The following SYNPO variants were observed in gnomAD, a reference collection of about 807,000 sequenced individuals.
SYNPO encodes the protein synaptopodin.
SYNPO carries 19 observed loss-of-function variants against 49.5 expected under a neutral mutation model. The observed-to-expected ratio is 0.38, with a 90% CI of 0.27 to 0.56. The LOEUF is 0.56. SYNPO is among the 20% of genes least tolerant of loss of function. The pLI is 0.68. For missense variants in SYNPO, 1,131 were observed against 1,248.3 expected, an observed-to-expected ratio of 0.91 and a Z score of 1.42; for synonymous variants, 536 against 548.0, an observed-to-expected ratio of 0.98 and a Z score of 0.31.
intron 2 of SYNPO, among the ~76,000 whole-genome samples, chr5:150,621,045 C>T (rs1180352160): frequency 4.6e-5 from 7 of 151,036 alleles, no homozygotes; most frequent in African/African-American, 1.5e-4. Context: ...CTCCGCCTAC[C>T]GGGTTCAAGC....
upstream of SYNPO, among the ~76,000 whole-genome samples, chr5:150,598,020 A>G (rs375699656): frequency 6.6e-6 from 1 of 152,190 alleles, no homozygotes; most frequent in African/African-American, 2.4e-5. Context: ...ACTTCCCTGT[A>G]TCAGAAACAG....
rs1316914247 is a variant in SYNPO, at chr5:150,649,645, A to C, written c.1370A>C (p.Lys457Thr). ...GTACCAGAGTGGGCCTCCTGCCTCA[A>C]GTCACCCCGCATCCAGGCCAAGCCG... ...EVVPEWASCL[K>T]SPRIQAKPKP... The change falls in exon 2 of 3, where the codon AAG becomes ACG. Residue 457 changes from lysine (K) to threonine (T), a missense_variant. Physicochemically the swap from Lys to Thr is moderately conservative, Grantham distance 78. Around this residue, in one of 4 missense-constraint regions of SYNPO, gnomAD observed 602 missense variants for 720.7 expected, o/e 0.84. Coordinates refer to ENST00000307662, the MANE Select transcript of SYNPO (RefSeq NM_007286.6). The C allele has an allele frequency of 6.2e-7, 1 of 1,609,154 alleles. No homozygotes were observed. The highest frequency in any genetic ancestry group is 1.3e-5 in the African/African-American group (1 of 75,026).
chr5:150,602,649 C>T (rs1422866752), intron 1 of SYNPO, among the ~76,000 whole-genome samples: 1 of 152,070 alleles, frequency 6.6e-6, no homozygotes, highest in African/African-American at 2.4e-5. Context: ...GAGACAGAGT[C>T]TCGCTCTGTC....
intron 1 of SYNPO, chr5:150,601,232 G>C (rs1756531054): frequency 6.6e-6 from 1 of 152,546 alleles, no homozygotes; most frequent in Non-Finnish European, 1.5e-5. Context: ...CCTTCCAGGG[G>C]AGAGGGGGCC....
At chr5:150,586,030 C>A in the SYNPO span, among the ~76,000 whole-genome samples, 251 of 152,358 alleles carry the variant, frequency 1.6e-3, 1 homozygote, top group Non-Finnish European at 3.2e-3. Flanking sequence ...GGGGCCGGCA[C>A]AAGTACCAGG....
At chr5:150,646,985 G>A (rs1211715468) in intron 1 of SYNPO, among the ~76,000 whole-genome samples, 2 of 152,204 alleles carry the variant, frequency 1.3e-5, no homozygotes, top group Non-Finnish European at 2.9e-5. Flanking sequence ...GCTCACGCCT[G>A]TAATCCCAGC....
chr5:150,619,147 T>C (rs1196714032), intron 2 of SYNPO, among the ~76,000 whole-genome samples: 1 of 152,052 alleles, frequency 6.6e-6, no homozygotes, highest in Non-Finnish European at 1.5e-5. Flanking sequence ...TCTCATTAAA[T>C]GGATTGAGTG....
At chr5:150,597,179 C>G (rs1756440832), upstream of SYNPO, among the ~76,000 whole-genome samples, 3 of 152,202 alleles carry the variant, frequency 2.0e-5, no homozygotes, top group Admixed American at 6.5e-5. Context: ...AGCCCATGCT[C>G]AAGGACTGTT....
upstream of SYNPO, among the ~76,000 whole-genome samples, chr5:150,640,477 G>A (rs1407679904): frequency 6.6e-6 from 1 of 152,192 alleles, no homozygotes; most frequent in Middle Eastern, 3.2e-3. Context: ...ATGCCAGGAT[G>A]AGGACTCTCC....
chr5:150,599,959 C>T (rs889746943), upstream of SYNPO, among the ~76,000 whole-genome samples: 1 of 152,166 alleles, frequency 6.6e-6, no homozygotes, highest in African/African-American at 2.4e-5. Context: ...GGGGAAACTG[C>T]ACAGACCCCA....
upstream of SYNPO, among the ~76,000 whole-genome samples, chr5:150,639,782 G>A (rs576142495): frequency 6.6e-6 from 1 of 152,368 alleles, no homozygotes; most frequent in South Asian, 2.1e-4. Context: ...TTCTGCAAGT[G>A]CCAATGGAAG....
chr5:150,620,324 G>A (rs1757112788), intron 2 of SYNPO, among the ~76,000 whole-genome samples: 1 of 152,208 alleles, frequency 6.6e-6, no homozygotes, highest in Non-Finnish European at 1.5e-5. Context: ...CAATAGGACT[G>A]CTATTATTTG....
rs762832656 is a variant in SYNPO, at chr5:150,649,190, G to A, written c.915G>A (p.Pro305=). ...VERRMMGQRS[P]ASERRPLGNF... is the part of the protein sequence containing the mutation. ...GGAGGATGATGGGGCAGCGAAGCCC[G>A]GCCTCAGAGAGACGCCCCTTGGGGA... is the stretch of plus-strand genomic sequence containing the variant. The change falls in exon 2 of 3, where the codon CCG becomes CCA. Residue 305 remains proline, a synonymous_variant. Coordinates refer to ENST00000307662, the MANE Select transcript of SYNPO (RefSeq NM_007286.6). 42 of 1,613,920 alleles carry A rather than the reference G, an allele frequency of 2.6e-5. No homozygotes were observed. Among genetic ancestry groups the A allele is most frequent in the Non-Finnish European group, 3.0e-5 (35 of 1,180,018 alleles).
upstream of SYNPO, among the ~76,000 whole-genome samples, chr5:150,637,365 T>G (rs1757750595): frequency 1.3e-5 from 2 of 152,160 alleles, no homozygotes; most frequent in African/African-American, 2.4e-5. Context: ...ACTCCCTAAC[T>G]CACAGCCTGT....
intron 2 of SYNPO, among the ~76,000 whole-genome samples, chr5:150,632,636 G>A (rs1218131187): frequency 6.6e-6 from 1 of 152,176 alleles, no homozygotes; most frequent in Non-Finnish European, 1.5e-5. Context: ...TTTCGGCTCT[G>A]CCCTCCAGGC....
chr5:150,647,861 C>A, intron 1 of SYNPO, 83 bp from the exon 2 acceptor site: 1 of 1,278,034 alleles, frequency 7.8e-7, no homozygotes, highest in Non-Finnish European at 1.1e-6. Context: ...GCCGAGGCGA[C>A]CATCTCTGTC....
intron 2 of SYNPO, among the ~76,000 whole-genome samples, chr5:150,626,382 C>G (rs1221232270): frequency 6.6e-6 from 1 of 152,184 alleles, no homozygotes; most frequent in African/African-American, 2.4e-5. Flanking sequence ...CTCAGTTTTT[C>G]CATCAGTACG....
chr5:150,645,216 G>T (rs945109198), intron 1 of SYNPO, among the ~76,000 whole-genome samples: 1 of 152,130 alleles, frequency 6.6e-6, no homozygotes, highest in Non-Finnish European at 1.5e-5. Flanking sequence ...TCAGAGCCTC[G>T]CTGGCAAGAT....
Position 150,648,540 on chromosome 5 carries a change from C to T in SYNPO, c.265C>T (p.His89Tyr), listed in dbSNP as rs774775211. 2.5e-6 allele frequency: 4 copies of T among 1,614,184 alleles called. No individual in the cohort carries two copies. The East Asian group carries it at 8.9e-5, about 36-fold the overall frequency. Residue 89 changes from histidine (H) to tyrosine (Y), a missense_variant, in exon 2 of 3, where the codon CAC (histidine) becomes TAC (tyrosine). Physicochemically the swap from His to Tyr is moderately conservative, Grantham distance 83 (BLOSUM62 2). This residue lies in a region of SYNPO where 602 missense variants were observed against 720.7 expected (regional missense o/e 0.84). Transcript: ENST00000307662. This position sits in a 1 kb window ranked among gnomAD's most constrained non-coding sequence, Gnocchi z 5.0. ...CACCACACCAACTTCTAACAGCAGC[C>T]ACAATCCGCCAGCCACCGATGTCAA... ...TLTTPTSNSS[H>Y]NPPATDVNQN...
Sources: gnomAD v4.1 joint callset for allele counts (sites outside exome capture counted in the v4.1 genomes callset) on GRCh38, gnomAD v4.1.1 for gene constraint, gnomAD v4.1.1 regional missense constraint, Gnocchi (gnomAD v3.1) non-coding constraint, MANE v1.5 for transcripts, NCBI Gene and HGNC (gene_info 2026-07-23, HGNC 2026-07-21) for gene names.